CHRNA2: variants seen among roughly 807,000 people sequenced by gnomAD.
CHRNA2 encodes the protein cholinergic receptor nicotinic alpha 2 subunit, also known as neuronal acetylcholine receptor subunit alpha-2.
A neutral mutation model predicts 45.5 loss-of-function variants in CHRNA2; 40 were observed. The observed-to-expected ratio is 0.88, with a 90% CI of 0.68 to 1.15. CHRNA2 has a LOEUF of 1.15. Among genes scored for constraint, CHRNA2 ranks in the 50% most tolerant of loss-of-function variants. The pLI, the probability that CHRNA2 is intolerant of heterozygous loss-of-function variation, is 0.00. For synonymous variants in CHRNA2, 301 were observed against 296.7 expected, an observed-to-expected ratio of 1.01 and a Z score of -0.15; for missense variants, 655 against 701.7, an observed-to-expected ratio of 0.93 and a Z score of 0.75.
In CHRNA2 at chr8:27,463,748, G is replaced by A; in HGVS notation, c.695C>T (p.Ala232Val). 6.2e-7 allele frequency: 1 copy of A among 1,614,120 alleles called. No homozygotes were observed. The highest frequency in any genetic ancestry group is 8.5e-7 in the Non-Finnish European group (1 of 1,180,010). The change falls in exon 6 of 7, where the codon GCC becomes GTC. Residue 232 changes from alanine (A) to valine (V), a missense_variant. By Grantham distance (64) the Ala-to-Val change is moderately conservative. Coordinates refer to ENST00000407991, the MANE Select transcript of CHRNA2 (RefSeq NM_000742.4). The surrounding 1 kb of genome is among the most constrained non-coding windows in gnomAD (Gnocchi z 6.1). ...GTAGGTGCCCGTGGCATTGACGATG[G>A]CCCACTCGCCGCTCTCCCAGTAGTC... ...LKDYWESGEW[A>V]IVNATGTYNS...
In CHRNA2 at chr8:27,463,722, T is replaced by C. The variant is rs1812603452; in HGVS notation, c.721A>G (p.Asn241Asp). Residue 241 changes from asparagine (N) to aspartate (D), a missense_variant, in exon 6 of 7, where the codon AAC (asparagine) becomes GAC (aspartate). Coordinates refer to ENST00000407991, the MANE Select transcript of CHRNA2 (RefSeq NM_000742.4). The surrounding 1 kb of genome is among the most constrained non-coding windows in gnomAD (Gnocchi z 6.1). ...WAIVNATGTY[N>D]SKKYDCCAEI... ...GCGCAGCAGTCGTACTTCTTGCTGTTGTAGGTGCCCGTGGCATTGACGATG... is the reference window on the plus strand; with the variant it reads ...GCGCAGCAGTCGTACTTCTTGCTGTCGTAGGTGCCCGTGGCATTGACGATG... 1 of 1,613,176 alleles carries C rather than the reference T, an allele frequency of 6.2e-7. No individual in the cohort carries two copies. Among genetic ancestry groups the C allele is most frequent in the African/African-American group, 1.3e-5 (1 of 74,712 alleles).
intron 1 of CHRNA2, among the ~76,000 whole-genome samples, chr8:27,473,885 C>T (rs58238677): frequency 0.014 from 2,090 of 152,216 alleles, 49 homozygotes; most frequent in African/African-American, 0.048. Context: ...TCGGTTGCAC[C>T]GGCCCATCCT....
chr8:27,464,055 C>T, intron 5 of CHRNA2, 62 bp from the exon 6 acceptor site: 1 of 1,593,656 alleles, frequency 6.3e-7, no homozygotes, highest in East Asian at 2.3e-5. Context: ...CCAGGCTACT[C>T]AGAGAGCTGG....
intron 4 of CHRNA2, among the ~76,000 whole-genome samples, chr8:27,467,731 G>C (rs928596580): frequency 2.0e-5 from 3 of 152,312 alleles, no homozygotes; most frequent in South Asian, 2.1e-4. Context: ...CTCCACGGGA[G>C]AGCCAAGCGG....
rs1463428956 is a variant in CHRNA2, at chr8:27,463,465, C to T, written c.978G>A (p.Pro326=). 3.1e-6 allele frequency: 5 copies of T among 1,614,122 alleles called. No homozygotes were observed. The highest frequency in any genetic ancestry group is 4.2e-6 in the Non-Finnish European group (5 of 1,180,026). The change falls in exon 6 of 7, where the codon CCG becomes CCA. Residue 326 remains proline (P), a synonymous_variant. Transcript: ENST00000407991. This position sits in a 1 kb window ranked among gnomAD's most constrained non-coding sequence, Gnocchi z 6.1. The part of the protein sequence containing the change: ...EIIPSTSLVI[P]LIGEYLLFTM... ...TGAACAGCAGGTACTCGCCGATGAG[C>T]GGGATGACCAGCGAGGTGGACGGGA...
chr8:27,470,911 G>A (rs1175695707), intron 2 of CHRNA2, 75 bp downstream of exon 2: 6 of 1,485,556 alleles, frequency 4.0e-6, no homozygotes, highest in Admixed American at 3.4e-5. Flanking sequence ...ACATCCACCT[G>A]CAGACTCCTT....
intron 2 of CHRNA2, among the ~76,000 whole-genome samples, chr8:27,470,320 G>GT (rs1563323469): frequency 6.6e-6 from 1 of 152,122 alleles, no homozygotes; most frequent in Non-Finnish European, 1.5e-5. Context: ...CCTGGTCTAC[G>GT]TGGCGGGGCT....
intron 6 of CHRNA2, 100 bp from the exon 7 acceptor site, chr8:27,461,854 G>C: frequency 6.5e-7 from 1 of 1,541,294 alleles, no homozygotes. Flanking sequence ...GGGGGCAGCA[G>C]CAACTGCCCC....
rs761493925 is a variant in CHRNA2, at chr8:27,469,894, G to A, written c.161C>T (p.Ser54Leu). The part of the protein sequence containing the change: ...PSPTALPQGG[S>L]HTETEDRLFK... ...GAGCCGGTCCTCAGTCTCGGTATGC[G>A]AGCCTCCCTGCGGCAATGCCGTGGG... Residue 54 changes from serine (S) to leucine (L), a missense_variant, in exon 3 of 7, where the codon TCG becomes TTG. Ser to Leu is a moderately radical substitution (Grantham distance 145). Coordinates refer to ENST00000407991, the MANE Select transcript of CHRNA2 (RefSeq NM_000742.4). The A allele has an allele frequency of 1.5e-5, 25 of 1,614,160 alleles. No homozygotes were observed. Among genetic ancestry groups the A allele is most frequent in the South Asian group, 6.6e-5 (6 of 91,082 alleles).
intron 4 of CHRNA2, 112 bp from the exon 5 acceptor site, chr8:27,467,450 C>T (rs1812734979): frequency 3.9e-6 from 3 of 776,150 alleles, no homozygotes; most frequent in Non-Finnish European, 6.5e-6. Context: ...CTTGGAGCAG[C>T]CAGGGCTCCC....
chr8:27,467,597 C>T (rs545513191), intron 4 of CHRNA2: 9 of 460,970 alleles, frequency 2.0e-5, no homozygotes, highest in African/African-American at 1.6e-4. Flanking sequence ...TGCCTCTAGT[C>T]CTCGCTCTGC....
intron 1 of CHRNA2, among the ~76,000 whole-genome samples, chr8:27,473,690 A>G (rs1224357270): frequency 6.6e-6 from 1 of 152,160 alleles, no homozygotes; most frequent in Non-Finnish European, 1.5e-5. Flanking sequence ...CCTGGACAAC[A>G]AGCAAGATCC....
At chr8:27,462,811 A>G (rs1279358297) in intron 6 of CHRNA2, among the ~76,000 whole-genome samples, 168 bp downstream of exon 6, 1 of 152,200 alleles carries the variant, frequency 6.6e-6, no homozygotes, top group African/African-American at 2.4e-5. Context: ...CAAAGCGGCC[A>G]GCTACATGTG....
chr8:27,469,460 T>G, intron 3 of CHRNA2, 81 bp from the exon 4 acceptor site: 2 of 1,426,524 alleles, frequency 1.4e-6, no homozygotes, highest in Non-Finnish European at 1.9e-6. Flanking sequence ...TGGGCTGTTT[T>G]CAGACCCTCT....
chr8:27,462,622 T>C (rs1014743044), intron 6 of CHRNA2, among the ~76,000 whole-genome samples: 11 of 152,178 alleles, frequency 7.2e-5, no homozygotes, highest in African/African-American at 2.7e-4. Context: ...GGGTCTCTCC[T>C]GAAATGCTCC....
At chr8:27,465,448 T>G (rs762576903) in intron 5 of CHRNA2, among the ~76,000 whole-genome samples, 42 of 152,142 alleles carry the variant, frequency 2.8e-4, no homozygotes, top group Admixed American at 1.1e-3. Context: ...AAAATTTTTT[T>G]TTGAGGCGGA....
intron 3 of CHRNA2, 110 bp downstream of exon 3, chr8:27,469,651 A>T: frequency 7.3e-7 from 1 of 1,377,664 alleles, no homozygotes; most frequent in Non-Finnish European, 1.0e-6. Flanking sequence ...CCCCACCCCA[A>T]GTCACTGCTG....
chr8:27,468,274 G>C (rs970276763), intron 4 of CHRNA2, among the ~76,000 whole-genome samples: 2 of 152,140 alleles, frequency 1.3e-5, no homozygotes, highest in African/African-American at 2.4e-5. Context: ...CCAGGTTCTA[G>C]GCCTGCCTCC....
At position 27,463,221 on chromosome 8, in the gene CHRNA2, C is replaced by G. The variant is rs771994243; in HGVS notation, c.1222G>C (p.Val408Leu). ...SPSYHWLESN[V>L]DAEEREVVVE... Reference sequence around the variant, plus strand: ...ACCACCTCCCTCTCCTCGGCATCCACGTTGCTCTCCAGCCAGTGATAAGAG... The same window carrying G: ...ACCACCTCCCTCTCCTCGGCATCCAGGTTGCTCTCCAGCCAGTGATAAGAG... The change falls in exon 6 of 7, where the codon GTG becomes CTG. Residue 408 changes from valine to leucine, a missense_variant. Coordinates refer to ENST00000407991, the MANE Select transcript of CHRNA2 (RefSeq NM_000742.4). The surrounding 1 kb of genome is among the most constrained non-coding windows in gnomAD (Gnocchi z 6.1). 9.9e-5 allele frequency: 158 copies of G among 1,590,286 alleles called. No homozygotes were observed. Among genetic ancestry groups the G allele is most frequent in the Non-Finnish European group, 1.3e-4 (153 of 1,165,314 alleles).
Sources: gnomAD v4.1 joint callset for allele counts (sites outside exome capture counted in the v4.1 genomes callset) on GRCh38, gnomAD v4.1.1 for gene constraint, Gnocchi (gnomAD v3.1) non-coding constraint, MANE v1.5 for transcripts, NCBI Gene and HGNC (gene_info 2026-07-23, HGNC 2026-07-21) for gene names.